Variants in CYP39A1 observed in about 807,000 individuals in gnomAD.
CYP39A1 encodes the protein 24-hydroxycholesterol 7-alpha-hydroxylase.
Under a neutral mutation model 58.1 loss-of-function variants are expected in CYP39A1, and 49 were observed. That is an observed-to-expected ratio of 0.84 (90% CI 0.67 to 1.07). The LOEUF is 1.07. CYP39A1 is among the 50% of genes least tolerant of loss of function. CYP39A1 has a pLI of 0.00. For synonymous variants in CYP39A1, 209 were observed against 187.6 expected, an observed-to-expected ratio of 1.11 and a Z score of -0.93; for missense variants, 531 against 539.4, an observed-to-expected ratio of 0.98 and a Z score of 0.16.
chr6:46,636,363 G>A, intron 5 of CYP39A1, 26 bp downstream of exon 5: 1 of 1,478,892 alleles, frequency 6.8e-7, no homozygotes, highest in Non-Finnish European at 9.4e-7. Flanking sequence ...CTTTACATTA[G>A]CAAAAGAAAG....
intron 10 of CYP39A1, among the ~76,000 whole-genome samples, chr6:46,576,759 G>A (rs1771869207): frequency 6.6e-6 from 1 of 152,156 alleles, no homozygotes. Context: ...CTTGAAGACA[G>A]CTCCTTCAAA....
chr6:46,568,351 G>A (rs1582306647), intron 10 of CYP39A1, among the ~76,000 whole-genome samples: 1 of 151,900 alleles, frequency 6.6e-6, no homozygotes, highest in African/African-American at 2.4e-5. Context: ...TCTGTGTGTT[G>A]CCTTTTTGTT....
At chr6:46,608,775 G>A (rs1447727020) in intron 7 of CYP39A1, among the ~76,000 whole-genome samples, 2 of 151,746 alleles carry the variant, frequency 1.3e-5, no homozygotes, top group African/African-American at 2.4e-5. Flanking sequence ...CCACAAACCC[G>A]GCTAATTTAT....
In CYP39A1 at chr6:46,558,686, T is replaced by A. The variant is rs147112018; in HGVS notation, c.1251-4832A>T. ...ATTTTCTCCGTAAGGATTTAGATTA[T>A]AGCATGCATTAGGAAAAAAGGTGAT... On this transcript the variant is annotated intron_variant, in intron 10 of 11. Transcript: ENST00000275016. Among the ~76,000 whole-genome samples, 700 of 152,220 alleles carry A rather than the reference T, an allele frequency of 4.6e-3. 2 individuals are homozygous for A. Among genetic ancestry groups the A allele is most frequent in the Non-Finnish European group, 7.9e-3 (536 of 68,014 alleles).
chr6:46,630,580 C>T (rs1173006586), intron 6 of CYP39A1, among the ~76,000 whole-genome samples: 1 of 152,150 alleles, frequency 6.6e-6, no homozygotes, highest in South Asian at 2.1e-4. Context: ...CATTTACTTA[C>T]TCTTTCCAAT....
At chr6:46,610,079 TC>T (rs1171034500) in intron 7 of CYP39A1, among the ~76,000 whole-genome samples, 1 of 152,210 alleles carries the variant, frequency 6.6e-6, no homozygotes, top group East Asian at 1.9e-4. Flanking sequence ...GAATATTAAT[TC>T]TTTCCAAATG....
intron 7 of CYP39A1, among the ~76,000 whole-genome samples, chr6:46,609,978 C>G (rs1193910481): frequency 1.3e-5 from 2 of 152,184 alleles, no homozygotes; most frequent in Non-Finnish European, 2.9e-5. Flanking sequence ...GATGAAAGAT[C>G]ATGATGGTAG....
intron 7 of CYP39A1, among the ~76,000 whole-genome samples, chr6:46,597,854 T>C (rs1206617014): frequency 6.6e-6 from 1 of 152,134 alleles, no homozygotes; most frequent in Non-Finnish European, 1.5e-5. Flanking sequence ...TACAGCACTA[T>C]TCTGTATTAA....
rs1468310139 is a variant in CYP39A1 at position 46,607,440 on chromosome 6, T to A, written c.932-11320A>T. Among the ~76,000 whole-genome samples, 3 of 150,216 alleles carry A rather than the reference T, an allele frequency of 2.0e-5. No individual in the cohort carries two copies. The East Asian group carries it at 5.9e-4, about 29-fold the overall frequency. On this transcript the variant is annotated intron_variant, in intron 7 of 11. Transcript: ENST00000275016. ...TTTGAGAGATGGCTTCTCTAGCTCC[T>A]TAATATTTCAAGCCCCTTCCCCCTA...
intron 6 of CYP39A1, among the ~76,000 whole-genome samples, chr6:46,628,158 T>A (rs1775432895): frequency 6.6e-6 from 1 of 152,208 alleles, no homozygotes; most frequent in Admixed American, 6.5e-5. Flanking sequence ...AAAAAGAGAT[T>A]TTGATGGAGT....
chr6:46,628,673 T>C (rs1419004909), intron 6 of CYP39A1, among the ~76,000 whole-genome samples: 1 of 152,166 alleles, frequency 6.6e-6, no homozygotes, highest in East Asian at 1.9e-4. Flanking sequence ...AGATATACTC[T>C]GGGCTCCAGG....
intron 10 of CYP39A1, among the ~76,000 whole-genome samples, chr6:46,570,526 G>A (rs1771526962): frequency 6.6e-6 from 1 of 152,036 alleles, no homozygotes; most frequent in East Asian, 1.9e-4. Flanking sequence ...GTATGTTGTT[G>A]TGTTCGTTCA....
intron 10 of CYP39A1, among the ~76,000 whole-genome samples, chr6:46,572,589 A>C (rs1771649038): frequency 6.6e-6 from 1 of 152,124 alleles, no homozygotes; most frequent in South Asian, 2.1e-4. Context: ...TGCTGCTTTT[A>C]AATTTCTTTG....
intron 7 of CYP39A1, among the ~76,000 whole-genome samples, chr6:46,606,341 C>T (rs1413241488): frequency 6.6e-6 from 1 of 151,856 alleles, no homozygotes; most frequent in Non-Finnish European, 1.5e-5. Flanking sequence ...ATTCTTGGAC[C>T]ATACAAAGAA....
intron 1 of CYP39A1, among the ~76,000 whole-genome samples, chr6:46,643,981 C>T (rs1169279304): frequency 2.6e-5 from 4 of 152,148 alleles, no homozygotes; most frequent in Non-Finnish European, 5.9e-5. Flanking sequence ...GCCTACGTAT[C>T]CATTACTGTT....
At chr6:46,643,895 T>C (rs896034108) in intron 1 of CYP39A1, among the ~76,000 whole-genome samples, 3 of 152,200 alleles carry the variant, frequency 2.0e-5, no homozygotes, top group Non-Finnish European at 4.4e-5. Context: ...GTGGTGCTTG[T>C]ATATTTTTTA....
At chr6:46,580,575 A>G (rs1772076108) in intron 10 of CYP39A1, among the ~76,000 whole-genome samples, 1 of 152,226 alleles carries the variant, frequency 6.6e-6, no homozygotes, top group Non-Finnish European at 1.5e-5. Flanking sequence ...GACAATCTAC[A>G]GAATGGGAGA....
rs776566270 is a variant in CYP39A1 at position 46,553,826 on chromosome 6, A to G, written c.1279T>C (p.Cys427Arg). 3 of 1,609,772 alleles carry G rather than the reference A, an allele frequency of 1.9e-6. No homozygotes were observed. The highest frequency in any genetic ancestry group is 1.7e-6 in the Non-Finnish European group (2 of 1,177,604). Residue 427 changes from cysteine (C) to arginine (R), a missense_variant, in exon 11 of 12, where the codon TGT (cysteine) becomes CGT (arginine). By Grantham distance (180) the Cys-to-Arg change is radical (BLOSUM62 -3). Coordinates refer to ENST00000275016, the MANE Select transcript of CYP39A1 (RefSeq NM_016593.5). ...TATTTATAAAGTATTAAAATAATAC[A>G]CATCTGAACCTCTAACAGAGCAAAC... ...RWFALLEVQM[C>R]IILILYKYDC...
At chr6:46,606,651 C>A (rs1773862623) in intron 7 of CYP39A1, among the ~76,000 whole-genome samples, 1 of 152,118 alleles carries the variant, frequency 6.6e-6, no homozygotes. Flanking sequence ...TTGGCATAAA[C>A]ATGATGAAGG....
Sources: gnomAD v4.1 joint callset for allele counts (sites outside exome capture counted in the v4.1 genomes callset) on GRCh38, gnomAD v4.1.1 for gene constraint, MANE v1.5 for transcripts, NCBI Gene and HGNC (gene_info 2026-07-23, HGNC 2026-07-21) for gene names.